PLXNA4: variants seen among roughly 807,000 people sequenced by gnomAD.
PLXNA4 encodes plexin-A4.
In PLXNA4, 44 loss-of-function variants were observed where a neutral mutation model predicts 191.8. The observed-to-expected ratio is 0.23, with a 90% CI of 0.18 to 0.29. The LOEUF (loss-of-function observed/expected upper bound fraction) is 0.29. Among genes scored for constraint, PLXNA4 ranks in the 10% least tolerant of loss-of-function variants. The probability of loss-of-function intolerance (pLI) is 1.00; values close to 1 mark genes in which losing one functional copy is unlikely to be tolerated. For synonymous variants in PLXNA4, 1,082 were observed against 1,009.5 expected, an observed-to-expected ratio of 1.07 and a Z score of -1.36; for missense variants, 1,800 against 2,488.8, an observed-to-expected ratio of 0.72 and a Z score of 5.89.
intron 2 of PLXNA4, among the ~76,000 whole-genome samples, chr7:132,632,516 A>T (rs2116880474): frequency 6.6e-6 from 1 of 152,274 alleles, no homozygotes; most frequent in South Asian, 2.1e-4. Flanking sequence ...CTGGTTCCAG[A>T]GTTAGGCTCT....
At chr7:132,543,826 G>A (rs1227491662) in intron 1 of PLXNA4, among the ~76,000 whole-genome samples, 1 of 152,150 alleles carries the variant, frequency 6.6e-6, no homozygotes, top group East Asian at 1.9e-4. Flanking sequence ...CTGATTAGAG[G>A]GGCATGAGAC....
chr7:132,450,282 G>T (rs962006936), intron 3 of PLXNA4, among the ~76,000 whole-genome samples: 1 of 152,144 alleles, frequency 6.6e-6, no homozygotes, highest in Admixed American at 6.5e-5. Flanking sequence ...CAAAACCCTG[G>T]CCTCTACTCT....
chr7:132,492,785 T>C (rs925973465), intron 2 of PLXNA4, among the ~76,000 whole-genome samples: 2 of 152,212 alleles, frequency 1.3e-5, no homozygotes, highest in African/African-American at 4.8e-5. Flanking sequence ...TCCTTGGCTA[T>C]AGAGCGGGTA....
chr7:132,384,292 C>T (rs1366867532), intron 3 of PLXNA4: 1 of 985,294 alleles, frequency 1.0e-6, no homozygotes, highest in African/African-American at 1.7e-5. Flanking sequence ...AGATTAGCAC[C>T]AGTCGCTAAT....
intron 6 of PLXNA4, 106 bp downstream of exon 6, chr7:132,228,240 G>T (rs1007269173): frequency 1.4e-6 from 2 of 1,468,740 alleles, no homozygotes; most frequent in Non-Finnish European, 9.3e-7. Context: ...TCTGCTGGCC[G>T]GGCTTGGCCC....
Position 132,552,978 on chromosome 7 carries a change from G to T in PLXNA4, c.-87+23444C>A, listed in dbSNP as rs142968353. ...GAGGCAGGGGATTGGCTTGTTAGCA[G>T]TTAGAATGCTTGGCTCAGGATTCTG... On this transcript the variant is annotated intron_variant, in intron 1 of 31. Coordinates refer to ENST00000321063, the MANE Select transcript of PLXNA4 (RefSeq NM_020911.2). Among the ~76,000 whole-genome samples, 219 of 152,320 alleles carry T rather than the reference G, an allele frequency of 1.4e-3. 1 individual carries two copies. Among genetic ancestry groups the T allele is most frequent in the African/African-American group, 5.1e-3 (213 of 41,572 alleles).
intron 2 of PLXNA4, among the ~76,000 whole-genome samples, chr7:132,621,125 A>G (rs1803252372): frequency 6.6e-6 from 1 of 152,204 alleles, no homozygotes; most frequent in South Asian, 2.1e-4. Flanking sequence ...TTAGGGAGAC[A>G]AAAGCATTCA....
chr7:132,515,428 T>C (rs1294402123), intron 1 of PLXNA4, among the ~76,000 whole-genome samples: 4 of 152,230 alleles, frequency 2.6e-5, no homozygotes, highest in South Asian at 2.1e-4. Context: ...TTCGGTTTTC[T>C]GGCACTTGCT....
intron 4 of PLXNA4, among the ~76,000 whole-genome samples, chr7:132,257,782 T>C (rs1799483566): frequency 6.6e-6 from 1 of 152,220 alleles, no homozygotes; most frequent in Non-Finnish European, 1.5e-5. Context: ...GGCCGTGGGC[T>C]GGTTTACTAG....
chr7:132,576,714 G>A, upstream of PLXNA4: 3 of 515,520 alleles, frequency 5.8e-6, no homozygotes, highest in Non-Finnish European at 7.5e-6. This position sits in a 1 kb window ranked among gnomAD's most constrained non-coding sequence, Gnocchi z 5.8. Flanking sequence ...GATCGATTCC[G>A]AACACCCCTT....
chr7:132,218,777 T>C (rs990177963), intron 9 of PLXNA4, among the ~76,000 whole-genome samples: 3 of 152,212 alleles, frequency 2.0e-5, no homozygotes, highest in African/African-American at 4.8e-5. Context: ...GTTATCATAA[T>C]GCCATCATTA....
chr7:132,296,031 CTTAAT>C (rs1801064667), intron 4 of PLXNA4, among the ~76,000 whole-genome samples: 1 of 152,186 alleles, frequency 6.6e-6, no homozygotes, highest in African/African-American at 2.4e-5. Context: ...CACCTGTGGA[CTTAAT>C]CATTGCACTG....
At chr7:132,616,211 G>T (rs1009830260) in intron 2 of PLXNA4, among the ~76,000 whole-genome samples, 1 of 152,154 alleles carries the variant, frequency 6.6e-6, no homozygotes, top group Non-Finnish European at 1.5e-5. Flanking sequence ...AGTTTAAAAA[G>T]CACGTTGCCT....
intron 4 of PLXNA4, among the ~76,000 whole-genome samples, chr7:132,269,519 G>A (rs985103871): frequency 3.9e-5 from 6 of 152,148 alleles, no homozygotes; most frequent in African/African-American, 1.4e-4. Flanking sequence ...TTCAGAACTG[G>A]GTAGTGTTTT....
rs1804184843 is a variant in PLXNA4 at position 132,366,351 on chromosome 7, C to T, written c.1372-68129G>A. Among the ~76,000 whole-genome samples, 2 of 152,120 alleles carry T rather than the reference C, an allele frequency of 1.3e-5. 1 individual carries two copies. The highest frequency in any genetic ancestry group is 4.2e-4 in the South Asian group (2 of 4,806). The stretch of plus-strand genomic sequence containing the variant: ...CCAGCCTGGCCAACATGGTGAAACC[C>T]CATCTCTACTAAAAATACAAAAATT... On this transcript the variant is annotated intron_variant, in intron 3 of 31. Coordinates refer to ENST00000321063, the MANE Select transcript of PLXNA4 (RefSeq NM_020911.2).
chr7:132,331,287 G>A (rs949839844), intron 3 of PLXNA4, among the ~76,000 whole-genome samples: 1 of 152,262 alleles, frequency 6.6e-6, no homozygotes, highest in African/African-American at 2.4e-5. Flanking sequence ...AACCTTGCCA[G>A]CTGGGGCTGG....
chr7:132,258,761 G>C (rs968944903), intron 4 of PLXNA4, among the ~76,000 whole-genome samples: 1 of 152,142 alleles, frequency 6.6e-6, no homozygotes, highest in Admixed American at 6.5e-5. Context: ...TGAAAGCGTA[G>C]GTTGGCTGCA....
At chr7:132,468,797 A>G (rs1017904664) in intron 3 of PLXNA4, among the ~76,000 whole-genome samples, 4 of 152,094 alleles carry the variant, frequency 2.6e-5, no homozygotes, top group Non-Finnish European at 4.4e-5. Flanking sequence ...TTACATACAC[A>G]CATTTGAGGA....
Position 132,126,602 on chromosome 7 carries a change from G to C in PLXNA4, c.*3877C>G, listed in dbSNP as rs188691516. The stretch of plus-strand genomic sequence containing the variant: ...GGGCGCAGGTAGCTGGGCCTGAGGG[G>C]ACCAGGTCAGAGACTTTTCCTGTGG... On this transcript the variant is annotated 3_prime_UTR_variant, in exon 32 of 32. Transcript: ENST00000321063. 6.6e-6 allele frequency: 1 copy of C among 151,588 alleles called. No homozygotes were observed. Among genetic ancestry groups the C allele is most frequent in the African/African-American group, 2.4e-5 (1 of 41,478 alleles). The allele number at this position is 151,588 out of a possible 1,614,324, so 9.4% of individuals were successfully genotyped here.
Sources: allele counts gnomAD v4.1 joint callset (sites outside exome capture counted in the v4.1 genomes callset), GRCh38; gene constraint gnomAD v4.1.1; non-coding constraint Gnocchi (gnomAD v3.1); transcripts MANE v1.5; gene names NCBI Gene and HGNC (gene_info 2026-07-23, HGNC 2026-07-21).